The following PFKFB3 variants were observed in gnomAD, a reference collection of about 807,000 sequenced individuals.
PFKFB3 encodes 6-phosphofructo-2-kinase/fructose-2,6-biphosphatase 3.
PFKFB3 carries 33 observed loss-of-function variants against 68.0 expected under a neutral mutation model. The observed-to-expected ratio is 0.49, with a 90% CI of 0.37 to 0.65. The LOEUF (loss-of-function observed/expected upper bound fraction) is 0.65. Among genes scored for constraint, PFKFB3 ranks in the 30% least tolerant of loss-of-function variants. PFKFB3 has a pLI of 0.00. For missense variants in PFKFB3, 586 were observed against 712.2 expected (o/e 0.82, Z 2.02); for synonymous variants, 315 against 288.2 (o/e 1.09, Z -0.94).
At chr10:6,241,104 T>C (rs1225008286) in intron 14 of PFKFB3, among the ~76,000 whole-genome samples, 1 of 151,876 alleles carries the variant, frequency 6.6e-6, no homozygotes, top group East Asian at 1.9e-4. Flanking sequence ...ACGGGGTTTC[T>C]CCATGTTGGC....
intron 1 of PFKFB3, among the ~76,000 whole-genome samples, chr10:6,190,015 C>T (rs922802131): frequency 6.6e-6 from 1 of 150,908 alleles, no homozygotes; most frequent in Non-Finnish European, 1.5e-5. Flanking sequence ...GTGATCTCGG[C>T]TCACTGCAAC....
chr10:6,243,616 C>A (rs1047514192), intron 14 of PFKFB3, among the ~76,000 whole-genome samples: 18 of 152,212 alleles, frequency 1.2e-4, no homozygotes, highest in African/African-American at 4.3e-4. Context: ...TTCCCTAATT[C>A]AACTTTGCAG....
At chr10:6,185,732 T>C (rs1051379084) in intron 1 of PFKFB3, among the ~76,000 whole-genome samples, 11 of 150,884 alleles carry the variant, frequency 7.3e-5, no homozygotes, top group African/African-American at 2.4e-4. Flanking sequence ...CTCTGCCTCC[T>C]GGGTTCAAGC....
downstream of PFKFB3, among the ~76,000 whole-genome samples, chr10:6,258,881 T>C (rs1846513050): frequency 6.6e-6 from 1 of 152,162 alleles, no homozygotes; most frequent in Admixed American, 6.5e-5. Flanking sequence ...GGAATGACCA[T>C]GGAAAGGCCT....
intron 13 of PFKFB3, among the ~76,000 whole-genome samples, 158 bp from the exon 14 acceptor site, chr10:6,226,034 C>G (rs1845324043): frequency 6.6e-6 from 1 of 152,230 alleles, no homozygotes; most frequent in Admixed American, 6.5e-5. Context: ...ACCGCACACT[C>G]AGCAGCCCAT....
At chr10:6,290,796 G>T in the PFKFB3 span, among the ~76,000 whole-genome samples, 1 of 152,058 alleles carries the variant, frequency 6.6e-6, no homozygotes, top group Admixed American at 6.6e-5. Context: ...AAGCCACCAC[G>T]CCTGGCCTGT....
the PFKFB3 span, among the ~76,000 whole-genome samples, chr10:6,323,391 G>A: frequency 1.3e-5 from 2 of 152,210 alleles, no homozygotes; most frequent in Non-Finnish European, 2.9e-5. Flanking sequence ...GGCAGAAAGA[G>A]AGGGATGCCT....
chr10:6,206,410 C>G (rs1223321781), intron 1 of PFKFB3, among the ~76,000 whole-genome samples: 1 of 131,566 alleles, frequency 7.6e-6, no homozygotes, highest in Non-Finnish European at 1.6e-5. Flanking sequence ...CCTTTCCCCC[C>G]TTTCTATTCC....
rs1336482432 is a variant in PFKFB3, at chr10:6,221,626, A to G, written c.979-15A>G. On this transcript the variant is annotated splice_polypyrimidine_tract_variant and intron_variant, in intron 9 of 14. Coordinates refer to ENST00000379775, the MANE Select transcript of PFKFB3 (RefSeq NM_004566.4). ...CTGTGGTTTGTTCCCCTGAGTGACC[A>G]CTGGGTCCCCGCAGGGCGTCTGTGA... 3 of 1,609,474 alleles carry G rather than the reference A, an allele frequency of 1.9e-6. No individual in the cohort carries two copies. The highest frequency in any genetic ancestry group is 2.5e-6 in the Non-Finnish European group (3 of 1,178,030).
At chr10:6,218,620 CG>C (rs1844750410) in intron 6 of PFKFB3, among the ~76,000 whole-genome samples, 1 of 151,812 alleles carries the variant, frequency 6.6e-6, no homozygotes, top group African/African-American at 2.4e-5. Context: ...TTAGAGGAGA[CG>C]GGGGTTTCAC....
chr10:6,243,088 G>A (rs1846175795), intron 14 of PFKFB3, among the ~76,000 whole-genome samples: 1 of 152,128 alleles, frequency 6.6e-6, no homozygotes, highest in Non-Finnish European at 1.5e-5. Flanking sequence ...GGAAGACTCG[G>A]CAACACCCTA....
At chr10:6,150,875 T>A (rs769246987) in intron 1 of PFKFB3, among the ~76,000 whole-genome samples, 1 of 152,168 alleles carries the variant, frequency 6.6e-6, no homozygotes, top group Non-Finnish European at 1.5e-5. Flanking sequence ...GGCGGGCACC[T>A]GTAATTTCAG....
the PFKFB3 span, among the ~76,000 whole-genome samples, chr10:6,279,108 CATA>C: frequency 6.6e-6 from 1 of 152,232 alleles, no homozygotes; most frequent in East Asian, 1.9e-4. Context: ...TGCATAAGAT[CATA>C]ATAATGCAAT....
At position 6,179,135 on chromosome 10, in the gene PFKFB3, C is replaced by T. The variant is rs185121148; in HGVS notation, c.16+34122C>T. 8.5e-5 allele frequency among the ~76,000 whole-genome samples: 13 copies of T among 152,358 alleles called. No individual in the cohort carries two copies. The East Asian group carries it at 2.5e-3, about 29-fold the overall frequency. On this transcript the variant is annotated intron_variant, in intron 1 of 14. Coordinates refer to the PFKFB3 transcript ENST00000379789. ...CAGCTGAGAAGAAAAACAGTGAACA[C>T]TTCTTGAGCTCTGTTTATCTGCCTT...
the PFKFB3 span, among the ~76,000 whole-genome samples, chr10:6,324,414 A>G: frequency 6.6e-6 from 1 of 152,056 alleles, no homozygotes; most frequent in African/African-American, 2.4e-5. Flanking sequence ...TGATGGTTGC[A>G]CAACAAAGTT....
In PFKFB3 at chr10:6,221,434, C is replaced by T. The variant is rs372042331; in HGVS notation, c.885C>T (p.Arg295=). The T allele has an allele frequency of 5.2e-5, 84 of 1,613,734 alleles. 1 individual carries two copies. Among genetic ancestry groups the T allele is most frequent in the South Asian group, 2.0e-4 (18 of 91,090 alleles). ...FVEEQNLKDL[R]VWTSQLKSTI... The stretch of plus-strand genomic sequence containing the variant: ...AGGAGCAGAACCTGAAGGACCTGCG[C>T]GTGTGGACCAGCCAGCTGAAGAGCA... The change falls in exon 9 of 15, where the codon CGC becomes CGT. Residue 295 remains arginine (R), a synonymous_variant. Coordinates refer to ENST00000379775, the MANE Select transcript of PFKFB3 (RefSeq NM_004566.4).
chr10:6,289,388 G>A, the PFKFB3 span, among the ~76,000 whole-genome samples: 2 of 151,998 alleles, frequency 1.3e-5, no homozygotes, highest in African/African-American at 4.8e-5. Context: ...TGTGTAAGGT[G>A]TAAGGAAGGG....
chr10:6,226,051 T>A, intron 13 of PFKFB3, 141 bp from the exon 14 acceptor site: 1 of 694,548 alleles, frequency 1.4e-6, no homozygotes, highest in Non-Finnish European at 2.5e-6. Flanking sequence ...CCATGGTCCC[T>A]GGCCCGTGGT....
At chr10:6,177,078 G>A (rs1052387157) in intron 1 of PFKFB3, among the ~76,000 whole-genome samples, 1 of 152,180 alleles carries the variant, frequency 6.6e-6, no homozygotes, top group African/African-American at 2.4e-5. Flanking sequence ...AGATCCTGTG[G>A]CTTCAAGTTC....
Sources: allele counts gnomAD v4.1 joint callset (sites outside exome capture counted in the v4.1 genomes callset), GRCh38; gene constraint gnomAD v4.1.1; transcripts MANE v1.5; gene names NCBI Gene and HGNC (gene_info 2026-07-23, HGNC 2026-07-21).